The following ALS2 variants were observed in gnomAD, a reference collection of about 807,000 sequenced individuals.
ALS2 encodes the protein alsin Rho guanine nucleotide exchange factor ALS2.
A neutral mutation model predicts 203.4 loss-of-function variants in ALS2; 117 were observed. That is an observed-to-expected ratio of 0.58 (90% CI 0.50 to 0.67). The LOEUF (loss-of-function observed/expected upper bound fraction) is 0.67, where lower values mean the gene tolerates loss of function less well. Among genes scored for constraint, ALS2 ranks in the 30% least tolerant of loss-of-function variants. ALS2 has a pLI of 0.00. For missense variants in ALS2, 1,715 were observed against 1,989.4 expected, an observed-to-expected ratio of 0.86 and a Z score of 2.62; for synonymous variants, 718 against 725.9, an observed-to-expected ratio of 0.99 and a Z score of 0.17.
Position 201,742,303 on chromosome 2 carries a change from C to T in ALS2, c.2171-449G>A, listed in dbSNP as rs567458109. Among the ~76,000 whole-genome samples the T allele has an allele frequency of 8.5e-5, 13 of 152,292 alleles. No individual in the cohort carries two copies. The South Asian group carries it at 2.7e-3, about 32-fold the overall frequency. On this transcript the variant is annotated intron_variant, in intron 10 of 33. Coordinates refer to ENST00000264276, the MANE Select transcript of ALS2 (RefSeq NM_020919.4). The stretch of plus-strand genomic sequence containing the variant: ...TGTAAACATTTTCAGCTTTTTTGTT[C>T]TGACTTCTGCTCTACTTGCCTCTTT...
intron 25 of ALS2, among the ~76,000 whole-genome samples, chr2:201,714,429 T>C: frequency 6.6e-6 from 1 of 152,186 alleles, no homozygotes; most frequent in African/African-American, 2.4e-5. Flanking sequence ...GAAAACTGTG[T>C]TGTGTGTGAC....
rs541350074 is a variant in ALS2, at chr2:201,759,747, G to C, written c.1113+1134C>G. Reference sequence around the variant, plus strand: ...AAAAATACCTTCATGTTCACATTCTGACAGAGTAAACAATAAGAATTGAGA... The same window carrying C: ...AAAAATACCTTCATGTTCACATTCTCACAGAGTAAACAATAAGAATTGAGA... On this transcript the variant is annotated intron_variant, in intron 4 of 33. Transcript: ENST00000264276. 5.1e-5 allele frequency: 50 copies of C among 985,020 alleles called. 1 individual carries two copies. In the Admixed American group the frequency reaches 2.8e-3, roughly 54 times the overall value. The allele number at this position is 985,020 out of a possible 1,614,324, so 61.0% of individuals were successfully genotyped here.
At chr2:201,772,353 G>C (rs1452703524) in intron 1 of ALS2, among the ~76,000 whole-genome samples, 2 of 152,164 alleles carry the variant, frequency 1.3e-5, no homozygotes, top group African/African-American at 4.8e-5. Context: ...CCATCTTACA[G>C]GTCTACAATA....
intron 33 of ALS2, 27 bp downstream of exon 33, chr2:201,704,091 TAAGA>T (rs765947654): frequency 2.7e-5 from 42 of 1,556,038 alleles, no homozygotes; most frequent in Non-Finnish European, 3.2e-5. Context: ...GATATGAAGA[TAAGA>T]AAGTATTAAA....
At chr2:201,710,184 T>C (rs1322253562) in intron 26 of ALS2, 146 bp from the exon 27 acceptor site, 2 of 760,366 alleles carry the variant, frequency 2.6e-6, no homozygotes, top group African/African-American at 5.0e-5. Flanking sequence ...AATACTTTAA[T>C]TTTTTTGAAA....
intron 23 of ALS2, among the ~76,000 whole-genome samples, chr2:201,720,917 A>G (rs1690750428): frequency 6.6e-6 from 1 of 152,230 alleles, no homozygotes; most frequent in Non-Finnish European, 1.5e-5. Flanking sequence ...TGTAGGTGAT[A>G]TGATTCTGTA....
chr2:201,713,736 CAT>C (rs966624332), intron 25 of ALS2, among the ~76,000 whole-genome samples: 1 of 145,906 alleles, frequency 6.9e-6, no homozygotes, highest in Non-Finnish European at 1.5e-5. Flanking sequence ...TGTGATTGCA[CAT>C]GTGAGTATTT....
At chr2:201,776,914 C>T (rs189745835) in intron 1 of ALS2, among the ~76,000 whole-genome samples, 14 of 152,270 alleles carry the variant, frequency 9.2e-5, no homozygotes, top group Admixed American at 7.8e-4. Context: ...AGCTACTAAA[C>T]GTATTATTCA....
intron 27 of ALS2, among the ~76,000 whole-genome samples, chr2:201,708,559 C>T (rs1246802699): frequency 6.6e-6 from 1 of 152,128 alleles, no homozygotes; most frequent in Non-Finnish European, 1.5e-5. Context: ...ACACACACTC[C>T]CCGCTTTTAG....
Position 201,744,307 on chromosome 2 carries a change from T to C in ALS2, c.2121A>G (p.Ser707=). 6.2e-7 allele frequency: 1 copy of C among 1,614,140 alleles called. No individual in the cohort carries two copies. The highest frequency in any genetic ancestry group is 8.5e-7 in the Non-Finnish European group (1 of 1,180,010). ...ELATTERRFY[S]KLSDIKSQIL... ...TCTGAGATTTGATATCACTTAGTTT[T>C]GAATAGAATCGTCTTTCTGTAGTAG... Residue 707 remains serine (S), a synonymous_variant, in exon 10 of 34, where the codon TCA becomes TCG. Transcript: ENST00000264276.
chr2:201,745,942 C>T (rs1692613411), intron 9 of ALS2, among the ~76,000 whole-genome samples: 1 of 151,932 alleles, frequency 6.6e-6, no homozygotes, highest in Admixed American at 6.6e-5. Flanking sequence ...GAGCAAGACT[C>T]AGTCTCAAAA....
intron 27 of ALS2, among the ~76,000 whole-genome samples, chr2:201,709,318 C>T (rs774887759): frequency 3.9e-5 from 6 of 152,220 alleles, no homozygotes; most frequent in Non-Finnish European, 8.8e-5. Flanking sequence ...CACTATCTGA[C>T]ATACTACATA....
chr2:201,701,176 T>G lies in ALS2; in HGVS notation c.*675A>C, dbSNP rs1047597449. ...AAAGAAACCAAAAACAAAATTCCTA[T>G]GTTCTTTTAAGTTAAGAGGCAGAAG... On this transcript the variant is annotated 3_prime_UTR_variant, in exon 34 of 34. Transcript: ENST00000264276. The G allele has an allele frequency of 6.5e-6, 1 of 152,674 alleles. No individual in the cohort carries two copies. The highest frequency in any genetic ancestry group is 2.1e-4 in the South Asian group (1 of 4,822). 9.5% of individuals were successfully genotyped at this position (152,674 alleles called of 1,614,324 possible).
intron 33 of ALS2, among the ~76,000 whole-genome samples, chr2:201,702,197 G>C (rs1184226522): frequency 6.6e-6 from 1 of 151,294 alleles, no homozygotes; most frequent in Non-Finnish European, 1.5e-5. Context: ...TTACTGATTG[G>C]ACATTTAGAG....
chr2:201,746,681 G>A lies in ALS2; in HGVS notation c.1883C>T (p.Thr628Ile). The change falls in exon 9 of 34, where the codon ACA becomes ATA. Residue 628 changes from threonine to isoleucine, a missense_variant. Coordinates refer to ENST00000264276, the MANE Select transcript of ALS2 (RefSeq NM_020919.4). ...GRDYSLFLVD[T>I]EDFQPGLYYS... is the part of the protein sequence containing the mutation. ...ATATAACCCAGGCTGGAAGTCTTCT[G>A]TATCCACTAAAAACAGGGAATAATC... The A allele has an allele frequency of 6.2e-7, 1 of 1,614,108 alleles. No homozygotes were observed. The highest frequency in any genetic ancestry group is 8.5e-7 in the Non-Finnish European group (1 of 1,180,020).
intron 16 of ALS2, 87 bp from the exon 17 acceptor site, chr2:201,727,365 ATTTC>A: frequency 2.6e-6 from 3 of 1,133,536 alleles, no homozygotes; most frequent in Non-Finnish European, 4.0e-6. Context: ...CAACCTCTTT[ATTTC>A]AAGAGGAACA....
intron 1 of ALS2, among the ~76,000 whole-genome samples, chr2:201,775,498 C>T (rs1694617542): frequency 6.6e-6 from 1 of 152,158 alleles, no homozygotes; most frequent in Non-Finnish European, 1.5e-5. Context: ...TCAATGTTTA[C>T]ACATGGATTA....
At chr2:201,721,525 G>A (rs573019540) in intron 23 of ALS2, among the ~76,000 whole-genome samples, 5 of 152,134 alleles carry the variant, frequency 3.3e-5, no homozygotes, top group South Asian at 2.1e-4. Context: ...CAACAAAGGT[G>A]CCAAGATTCA....
intron 25 of ALS2, among the ~76,000 whole-genome samples, chr2:201,713,750 A>G (rs1300205103): frequency 1.3e-5 from 2 of 152,204 alleles, no homozygotes; most frequent in East Asian, 1.9e-4. Flanking sequence ...TGAGTATTTT[A>G]TAATAGTTGC....
Sources: gnomAD v4.1 joint callset for allele counts (sites outside exome capture counted in the v4.1 genomes callset) on GRCh38, gnomAD v4.1.1 for gene constraint, MANE v1.5 for transcripts, NCBI Gene and HGNC (gene_info 2026-07-23, HGNC 2026-07-21) for gene names.